Variants in RAD50 observed in about 807,000 individuals in gnomAD.
RAD50 encodes the protein RAD50 double strand break repair protein, also known as DNA repair protein RAD50.
In RAD50, 132 loss-of-function variants were observed where a neutral mutation model predicts 168.8. The ratio of observed to expected loss-of-function variants is 0.78; its 90% CI spans 0.68 to 0.90. The LOEUF is 0.90. Among genes scored for constraint, RAD50 ranks in the 40% least tolerant of loss-of-function variants. The probability of loss-of-function intolerance (pLI) is 0.00; values close to 1 mark genes in which losing one functional copy is unlikely to be tolerated. For synonymous variants in RAD50, 525 were observed against 497.4 expected (o/e 1.06, Z -0.74); for missense variants, 1,347 against 1,534.4 (o/e 0.88, Z 2.04).
rs186640997 is a variant in RAD50 at position 132,599,716 on chromosome 5, C to G, written c.2208-3584C>G. ...AGGATTACAGGCATAAGCCACCATGCCCAACCAAGAGGACTTTTTTTTTTT... is the reference window on the plus strand; with the variant it reads ...AGGATTACAGGCATAAGCCACCATGGCCAACCAAGAGGACTTTTTTTTTTT... On this transcript the variant is annotated intron_variant, in intron 13 of 24. Coordinates refer to ENST00000378823, the MANE Select transcript of RAD50 (RefSeq NM_005732.4). Among the ~76,000 whole-genome samples, 77 of 152,068 alleles carry G rather than the reference C, an allele frequency of 5.1e-4. No individual in the cohort carries two copies. The Middle Eastern group carries it at 0.014, about 27-fold the overall frequency.
At chr5:132,622,308 A>G (rs1751299937) in intron 21 of RAD50, among the ~76,000 whole-genome samples, 1 of 151,952 alleles carries the variant, frequency 6.6e-6, no homozygotes, top group Non-Finnish European at 1.5e-5. Context: ...TTACAGATGC[A>G]TGCCACCACT....
intron 5 of RAD50, 146 bp downstream of exon 5, chr5:132,580,212 A>G (rs1750482111): frequency 1.5e-6 from 1 of 664,386 alleles, no homozygotes; most frequent in Non-Finnish European, 2.6e-6. Flanking sequence ...GAGAACACTT[A>G]AAATCTACTC....
At chr5:132,619,109 A>AT (rs1751229451) in intron 21 of RAD50, among the ~76,000 whole-genome samples, 1 of 152,330 alleles carries the variant, frequency 6.6e-6, no homozygotes, top group South Asian at 2.1e-4. Flanking sequence ...TACTATGGGA[A>AT]TAGACCACAA....
At chr5:132,559,015 C>A (rs1012991701) in intron 1 of RAD50, among the ~76,000 whole-genome samples, 1 of 152,174 alleles carries the variant, frequency 6.6e-6, no homozygotes, top group Non-Finnish European at 1.5e-5. Flanking sequence ...TTATTATTAA[C>A]TTAAATTAGT....
At chr5:132,641,032 A>G (rs991277591) in intron 24 of RAD50, among the ~76,000 whole-genome samples, 1 of 152,164 alleles carries the variant, frequency 6.6e-6, no homozygotes, top group Admixed American at 6.5e-5. Context: ...CCCCAGACAC[A>G]TCCTGCAGCT....
intron 19 of RAD50, among the ~76,000 whole-genome samples, chr5:132,610,027 G>GTATA (rs10598599): frequency 3.3e-4 from 49 of 148,488 alleles, no homozygotes; most frequent in Admixed American, 2.0e-3. Context: ...AGGTGTGTGT[G>GTATA]TATATATATA....
At position 132,640,661 on chromosome 5, in the gene RAD50, C is replaced by T. The variant is rs974991715; in HGVS notation, c.3619-11C>T. On this transcript the variant is annotated splice_polypyrimidine_tract_variant and intron_variant, in intron 23 of 24. Coordinates refer to ENST00000378823, the MANE Select transcript of RAD50 (RefSeq NM_005732.4). ...CTGTGCTGGGCTTCTCACATAGGGG[C>T]TTTTTTCCAGGTATTAGCCTCACTC... 6.2e-7 allele frequency: 1 copy of T among 1,614,050 alleles called. No individual in the cohort carries two copies.
intron 19 of RAD50, among the ~76,000 whole-genome samples, chr5:132,612,787 C>G (rs1751109422): frequency 6.6e-6 from 1 of 151,976 alleles, no homozygotes; most frequent in African/African-American, 2.4e-5. Flanking sequence ...CTTACTACGC[C>G]ACTGCACTCC....
chr5:132,588,157 A>G, intron 7 of RAD50, 68 bp downstream of exon 7: 1 of 1,521,442 alleles, frequency 6.6e-7, no homozygotes, highest in African/African-American at 1.4e-5. Context: ...ATGAATGAAG[A>G]ATCTCCAAGG....
intron 13 of RAD50, among the ~76,000 whole-genome samples, chr5:132,601,851 A>T (rs918293962): frequency 6.6e-6 from 1 of 152,172 alleles, no homozygotes; most frequent in African/African-American, 2.4e-5. Flanking sequence ...GCTGGAAACC[A>T]TCATTCTCAG....
chr5:132,611,076 G>A (rs1346987073), intron 19 of RAD50, among the ~76,000 whole-genome samples: 1 of 152,178 alleles, frequency 6.6e-6, no homozygotes, highest in African/African-American at 2.4e-5. Context: ...TGATATGCTT[G>A]CTGAAGATTC....
At chr5:132,612,270 G>A (rs190780054) in intron 19 of RAD50, among the ~76,000 whole-genome samples, 62 of 152,300 alleles carry the variant, frequency 4.1e-4, no homozygotes, top group Admixed American at 3.1e-3. Flanking sequence ...CATAATGTAC[G>A]ATTCCACTTA....
At chr5:132,619,817 T>C (rs1219609740) in intron 21 of RAD50, among the ~76,000 whole-genome samples, 1 of 107,424 alleles carries the variant, frequency 9.3e-6, no homozygotes, top group Admixed American at 8.7e-5. Context: ...TCTCTACTCC[T>C]CTCTCTCTCT....
Position 132,630,265 on chromosome 5 carries a change from A to G in RAD50, c.3390-6850A>G, listed in dbSNP as rs571363108. Among the ~76,000 whole-genome samples, 17 of 152,092 alleles carry G rather than the reference A, an allele frequency of 1.1e-4. 1 individual carries two copies. The South Asian group carries it at 3.5e-3, about 32-fold the overall frequency. On this transcript the variant is annotated intron_variant, in intron 21 of 24. Coordinates refer to ENST00000378823, the MANE Select transcript of RAD50 (RefSeq NM_005732.4). Reference sequence around the variant, plus strand: ...CACCATGTTGGCCAGGATGGTCTTGATCTCTTGACCTTGTGATCCACCTGC... The same window carrying G: ...CACCATGTTGGCCAGGATGGTCTTGGTCTCTTGACCTTGTGATCCACCTGC...
At chr5:132,561,088 C>G (rs1465025763) in intron 2 of RAD50, among the ~76,000 whole-genome samples, 1 of 152,176 alleles carries the variant, frequency 6.6e-6, no homozygotes, top group Admixed American at 6.5e-5. Flanking sequence ...TTGGCTATTT[C>G]TTTTTTAAAA....
intron 21 of RAD50, among the ~76,000 whole-genome samples, chr5:132,619,351 A>G (rs1338403312): frequency 6.6e-6 from 1 of 152,210 alleles, no homozygotes; most frequent in Non-Finnish European, 1.5e-5. Flanking sequence ...AATGTTTGCC[A>G]ACCTCATAGG....
chr5:132,619,859 T>G (rs1751252007), intron 21 of RAD50, among the ~76,000 whole-genome samples: 1 of 129,966 alleles, frequency 7.7e-6, no homozygotes, highest in South Asian at 2.4e-4. Flanking sequence ...TATAAAGATA[T>G]ATATATATAA....
chr5:132,611,097 A>G (rs1666298319), intron 19 of RAD50, among the ~76,000 whole-genome samples: 2 of 152,344 alleles, frequency 1.3e-5, no homozygotes, highest in Admixed American at 6.5e-5. Flanking sequence ...TAGTAGTCAA[A>G]TAAAGAGAGG....
chr5:132,613,597 T>TA (rs1455664981), intron 19 of RAD50, among the ~76,000 whole-genome samples: 1 of 145,772 alleles, frequency 6.9e-6, no homozygotes, highest in Non-Finnish European at 1.5e-5. Flanking sequence ...CAATAGTCTT[T>TA]TTTTTTTTTT....
Sources: gnomAD v4.1 joint callset for allele counts (sites outside exome capture counted in the v4.1 genomes callset) on GRCh38, gnomAD v4.1.1 for gene constraint, MANE v1.5 for transcripts, NCBI Gene and HGNC (gene_info 2026-07-23, HGNC 2026-07-21) for gene names.